DPP9: variants seen among roughly 807,000 people sequenced by gnomAD.
DPP9 encodes dipeptidyl peptidase IV-related protein-2.
In DPP9, 50 loss-of-function variants were observed where a neutral mutation model predicts 110.7. That is an observed-to-expected ratio of 0.45 (90% CI 0.36 to 0.57). DPP9 has a LOEUF of 0.57. Among genes scored for constraint, DPP9 ranks in the 20% least tolerant of loss-of-function variants. DPP9 has a pLI of 0.00. For synonymous variants in DPP9, 561 were observed against 514.4 expected, an observed-to-expected ratio of 1.09 and a Z score of -1.23; for missense variants, 1,022 against 1,217.9, an observed-to-expected ratio of 0.84 and a Z score of 2.39.
At chr19:4,702,258 G>A (rs528328536) in intron 8 of DPP9, 103 bp from the exon 9 acceptor site, 60 of 1,435,010 alleles carry the variant, frequency 4.2e-5, no homozygotes, top group South Asian at 3.1e-4. Flanking sequence ...GATGGGCACC[G>A]AGGGCTCTGA....
Position 4,685,911 on chromosome 19 carries a change from G to T in DPP9, c.1886-140C>A. On this transcript the variant is annotated intron_variant, in intron 16 of 21. Transcript: ENST00000262960. This position sits in a 1 kb window ranked among gnomAD's most constrained non-coding sequence, Gnocchi z 5.8. ...CTGGGCTTCCCGAGAGTTGATAATT[G>T]AAAAAAACGTTTTTTTTTCATTAAA... is the stretch of plus-strand genomic sequence containing the variant. The T allele has an allele frequency of 1.0e-6, 1 of 961,822 alleles. No homozygotes were observed. Among genetic ancestry groups the T allele is most frequent in the Non-Finnish European group, 1.5e-6 (1 of 670,016 alleles). The allele number at this position is 961,822 out of a possible 1,614,324, so 59.6% of individuals were successfully genotyped here.
intron 3 of DPP9, among the ~76,000 whole-genome samples, chr19:4,717,007 G>A (rs1055898485): frequency 2.6e-5 from 4 of 152,156 alleles, no homozygotes; most frequent in East Asian, 1.9e-4. Context: ...CTCATGGGGC[G>A]GAAGACCCCT....
rs940709695 is a variant in DPP9, at chr19:4,676,913, C to A, written c.2587-257G>T. On this transcript the variant is annotated intron_variant, in intron 21 of 21. Transcript: ENST00000262960. This position sits in a 1 kb window ranked among gnomAD's most constrained non-coding sequence, Gnocchi z 4.0. ...TTTACAAAACGCCTTGCGGTGTGCA[C>A]GCGCTTGCACAGAGGAAAGATTTAG... Among the ~76,000 whole-genome samples, 1 of 152,150 alleles carries A rather than the reference C, an allele frequency of 6.6e-6. No homozygotes were observed. The highest frequency in any genetic ancestry group is 2.1e-4 in the South Asian group (1 of 4,828).
In DPP9 at chr19:4,684,646, C is replaced by T. The variant is rs756197710; in HGVS notation, c.2178+17G>A. The T allele has an allele frequency of 2.5e-6, 4 of 1,612,862 alleles. No homozygotes were observed. Among genetic ancestry groups the T allele is most frequent in the Non-Finnish European group, 3.4e-6 (4 of 1,179,510 alleles). On this transcript the variant is annotated intron_variant, in intron 18 of 21. Coordinates refer to ENST00000262960, the MANE Select transcript of DPP9 (RefSeq NM_139159.5). The surrounding 1 kb of genome is among the most constrained non-coding windows in gnomAD (Gnocchi z 4.8). ...CCGAGACCCAAAGGACCCAGAGCAA[C>T]AGGGAGGAGTTGTTACCATTTGGTT... is the stretch of plus-strand genomic sequence containing the variant.
In DPP9 at chr19:4,693,630, A is replaced by C. The variant is rs956314769; in HGVS notation, c.1516+1031T>G. 6.6e-6 allele frequency among the ~76,000 whole-genome samples: 1 copy of C among 152,100 alleles called. No individual in the cohort carries two copies. Among genetic ancestry groups the C allele is most frequent in the African/African-American group, 2.4e-5 (1 of 41,434 alleles). On this transcript the variant is annotated intron_variant, in intron 13 of 21. Transcript: ENST00000262960. This position sits in a 1 kb window ranked among gnomAD's most constrained non-coding sequence, Gnocchi z 5.0. ...CATCCAGAATCAGACCCACCAGGAC[A>C]GCTCAGCCACTGCCATGACAGCAAG... is the stretch of plus-strand genomic sequence containing the variant.
chr19:4,688,560 C>T (rs561880278), intron 16 of DPP9, 197 bp downstream of exon 16: 39 of 688,038 alleles, frequency 5.7e-5, no homozygotes, highest in Non-Finnish European at 7.8e-5. Context: ...CAGCTCGAAC[C>T]CAGGACCGTC....
chr19:4,712,235 A>G (rs1298796311), intron 4 of DPP9, among the ~76,000 whole-genome samples: 2 of 152,184 alleles, frequency 1.3e-5, no homozygotes, highest in Non-Finnish European at 2.9e-5. Context: ...CTCCCAGACT[A>G]GAGTTGGCCA....
At chr19:4,699,605 G>A (rs2092089604) in intron 10 of DPP9, among the ~76,000 whole-genome samples, 1 of 152,148 alleles carries the variant, frequency 6.6e-6, no homozygotes, top group Non-Finnish European at 1.5e-5. Context: ...TTGCTGCGGG[G>A]TGATGATGCC....
chr19:4,717,389 T>C (rs769678164), intron 3 of DPP9, among the ~76,000 whole-genome samples: 15 of 152,238 alleles, frequency 9.9e-5, no homozygotes, highest in African/African-American at 2.4e-4. Flanking sequence ...CCCCAAGCAC[T>C]GCTGGCAGCA....
chr19:4,708,277 G>A (rs986348602), intron 4 of DPP9, among the ~76,000 whole-genome samples: 2 of 152,146 alleles, frequency 1.3e-5, no homozygotes, highest in Non-Finnish European at 2.9e-5. Flanking sequence ...TGTAGAACAC[G>A]CCTTTTCTCT....
In DPP9 at chr19:4,702,063, C is replaced by T. The variant is rs754740701; in HGVS notation, c.976G>A (p.Glu326Lys). Residue 326 changes from glutamate to lysine, a missense_variant, in exon 9 of 22, where the codon GAA becomes AAA. Glu to Lys is a moderately conservative substitution (Grantham distance 56, BLOSUM62 1). Coordinates refer to ENST00000262960, the MANE Select transcript of DPP9 (RefSeq NM_139159.5). ...TACCGATACGAGTCCGTCTTCCTTT[C>T]TTCTAGCGCAGGAGAGGGGACGTGA... ...VIHVPSPALE[E>K]RKTDSYRYPR... is the part of the protein sequence containing the mutation. The T allele has an allele frequency of 6.2e-7, 1 of 1,613,992 alleles. No individual in the cohort carries two copies. The highest frequency in any genetic ancestry group is 8.5e-7 in the Non-Finnish European group (1 of 1,179,854).
Position 4,685,848 on chromosome 19 carries a change from C to A in DPP9, c.1886-77G>T. ...GACACCCTTGTTCTCCTGCCCACCC[C>A]AAGCCTTGGAGGGTGGACCAAAGCA... On this transcript the variant is annotated intron_variant, in intron 16 of 21. Transcript: ENST00000262960. This position sits in a 1 kb window ranked among gnomAD's most constrained non-coding sequence, Gnocchi z 5.8. 6.5e-7 allele frequency: 1 copy of A among 1,549,986 alleles called. No individual in the cohort carries two copies. The highest frequency in any genetic ancestry group is 1.2e-5 in the South Asian group (1 of 84,988).
At chr19:4,720,275 G>C (rs142049076) in intron 2 of DPP9, among the ~76,000 whole-genome samples, 8 of 152,336 alleles carry the variant, frequency 5.3e-5, no homozygotes, top group African/African-American at 1.4e-4. Flanking sequence ...TGTGGCCGTT[G>C]CCTGATGGCC....
In DPP9 at chr19:4,687,376, C is replaced by A. The variant is rs1254811177; in HGVS notation, c.1885+1381G>T. ...CCTGGGAGCCCAGCAGTGTGCTGAC[C>A]CGCTGGTTTTCATCCCACACTCTGT... On this transcript the variant is annotated intron_variant, in intron 16 of 21. Transcript: ENST00000262960. The surrounding 1 kb of genome is among the most constrained non-coding windows in gnomAD (Gnocchi z 4.7). Among the ~76,000 whole-genome samples the A allele has an allele frequency of 2.0e-5, 3 of 152,166 alleles. No homozygotes were observed. Among genetic ancestry groups the A allele is most frequent in the African/African-American group, 7.2e-5 (3 of 41,432 alleles).
At chr19:4,701,360 T>C (rs1300671550) in intron 9 of DPP9, among the ~76,000 whole-genome samples, 2 of 152,128 alleles carry the variant, frequency 1.3e-5, no homozygotes, top group African/African-American at 2.4e-5. Flanking sequence ...CCCAGCTACC[T>C]GGGAGGCAGA....
At chr19:4,713,960 C>T in intron 4 of DPP9, 121 bp downstream of exon 4, 2 of 1,396,930 alleles carry the variant, frequency 1.4e-6, no homozygotes, top group South Asian at 1.5e-5. Flanking sequence ...GACAGCATGC[C>T]CAGGGCCCAG....
chr19:4,716,594 G>A (rs755592735), intron 3 of DPP9, among the ~76,000 whole-genome samples: 11 of 151,876 alleles, frequency 7.2e-5, no homozygotes, highest in South Asian at 6.2e-4. Context: ...CCGAGATCGT[G>A]CCACTGCACT....
chr19:4,723,648 G>T (rs2093421995), intron 1 of DPP9, 26 bp downstream of exon 1: 1 of 157,486 alleles, frequency 6.3e-6, no homozygotes, highest in South Asian at 1.7e-4. Context: ...GGCCGGGGCG[G>T]GACGAGGCGC....
chr19:4,691,988 G>C (rs1023031763), intron 13 of DPP9, among the ~76,000 whole-genome samples: 2 of 151,796 alleles, frequency 1.3e-5, no homozygotes, highest in African/African-American at 4.8e-5. Context: ...GACTTTTTTT[G>C]TGGGGGCGAG....
Sources: allele counts gnomAD v4.1 joint callset (sites outside exome capture counted in the v4.1 genomes callset), GRCh38; gene constraint gnomAD v4.1.1; non-coding constraint Gnocchi (gnomAD v3.1); transcripts MANE v1.5; gene names NCBI Gene and HGNC (gene_info 2026-07-23, HGNC 2026-07-21).